FARS2: variants seen among roughly 807,000 people sequenced by gnomAD.
The protein encoded by FARS2 is phenylalanine--tRNA ligase, mitochondrial.
Under a neutral mutation model 46.4 loss-of-function variants are expected in FARS2, and 40 were observed. That is an observed-to-expected ratio of 0.86 (90% CI 0.67 to 1.12). The LOEUF is 1.12. Ranked by LOEUF, FARS2 falls within the 50% of genes most tolerant of loss-of-function variation. The pLI is 0.00. For missense variants in FARS2, 513 were observed against 567.9 expected, an observed-to-expected ratio of 0.90 and a Z score of 0.98; for synonymous variants, 234 against 214.9, an observed-to-expected ratio of 1.09 and a Z score of -0.78.
rs546168217 is a variant in FARS2, at chr6:5,274,251, C to G, written c.-22+12591C>G. Among the ~76,000 whole-genome samples the G allele has an allele frequency of 9.9e-5, 15 of 152,240 alleles. No homozygotes were observed. In the South Asian group the frequency reaches 2.3e-3, roughly 23 times the overall value. On this transcript the variant is annotated intron_variant, in intron 1 of 6. Transcript: ENST00000274680. ...CGTACTTCTTCCCGGCCATTAGAAC[C>G]CTGATTTTGTTTGGGTGGCCATGTG... is the stretch of plus-strand genomic sequence containing the variant.
chr6:5,653,332 T>C (rs559525304), intron 6 of FARS2, among the ~76,000 whole-genome samples: 10 of 152,318 alleles, frequency 6.6e-5, no homozygotes, highest in African/African-American at 2.4e-4. Context: ...TGTAATCTGC[T>C]CAGTAATACA....
At chr6:5,541,336 A>G (rs1394682883) in intron 4 of FARS2, among the ~76,000 whole-genome samples, 2 of 152,202 alleles carry the variant, frequency 1.3e-5, no homozygotes, top group Admixed American at 6.5e-5. Flanking sequence ...TTGTTGAAGT[A>G]GTATTACACA....
intron 6 of FARS2, among the ~76,000 whole-genome samples, chr6:5,740,526 T>C (rs905609200): frequency 8.7e-5 from 13 of 149,898 alleles, no homozygotes; most frequent in Admixed American, 1.3e-4. Context: ...AAAAGCAAAA[T>C]CCATCAGCTT....
intron 4 of FARS2, among the ~76,000 whole-genome samples, chr6:5,436,575 G>A: frequency 6.6e-6 from 1 of 152,208 alleles, no homozygotes; most frequent in East Asian, 1.9e-4. Flanking sequence ...TTAGAACATA[G>A]TCATGCATAT....
chr6:5,328,801 A>C (rs1162111841), intron 1 of FARS2, among the ~76,000 whole-genome samples: 1 of 152,144 alleles, frequency 6.6e-6, no homozygotes, highest in African/African-American at 2.4e-5. Flanking sequence ...CCTAACATGT[A>C]GACTTTTTCT....
At chr6:5,716,627 C>T (rs1484460774) in intron 6 of FARS2, among the ~76,000 whole-genome samples, 1 of 152,224 alleles carries the variant, frequency 6.6e-6, no homozygotes, top group Admixed American at 6.5e-5. Flanking sequence ...CACCAGACTG[C>T]TTCCACTTAA....
At chr6:5,287,097 T>C (rs182586405) in intron 1 of FARS2, among the ~76,000 whole-genome samples, 7 of 152,262 alleles carry the variant, frequency 4.6e-5, no homozygotes, top group Non-Finnish European at 7.3e-5. Flanking sequence ...GTTAGCTCTT[T>C]AGGTAAAGAG....
intron 5 of FARS2, among the ~76,000 whole-genome samples, chr6:5,553,433 A>T (rs1341833978): frequency 6.6e-6 from 1 of 152,144 alleles, no homozygotes; most frequent in Non-Finnish European, 1.5e-5. Flanking sequence ...GGGCGCTGTT[A>T]TTCTTGCAGT....
intron 6 of FARS2, among the ~76,000 whole-genome samples, chr6:5,690,114 T>G (rs1289132628): frequency 6.6e-6 from 1 of 152,240 alleles, no homozygotes; most frequent in Admixed American, 6.5e-5. Context: ...GATGGTTTCC[T>G]GAATACAGCA....
intron 3 of FARS2, among the ~76,000 whole-genome samples, chr6:5,427,461 A>G (rs1273708989): frequency 6.6e-6 from 1 of 152,234 alleles, no homozygotes; most frequent in Non-Finnish European, 1.5e-5. Flanking sequence ...AACAAAGGAA[A>G]TGAATGGTGT....
intron 1 of FARS2, among the ~76,000 whole-genome samples, chr6:5,334,381 A>C (rs1309529957): frequency 6.6e-6 from 1 of 152,200 alleles, no homozygotes; most frequent in Non-Finnish European, 1.5e-5. Context: ...TCAGAAATTT[A>C]TTCTAAAAAT....
intron 6 of FARS2, among the ~76,000 whole-genome samples, chr6:5,675,924 C>A (rs910818513): frequency 6.6e-6 from 1 of 152,184 alleles, no homozygotes; most frequent in African/African-American, 2.4e-5. Context: ...CGGTCATAAT[C>A]ATGGCATATG....
At chr6:5,706,008 C>A (rs1210240634) in intron 6 of FARS2, among the ~76,000 whole-genome samples, 2 of 152,182 alleles carry the variant, frequency 1.3e-5, no homozygotes, top group Non-Finnish European at 2.9e-5. Context: ...CAGTCCCCAA[C>A]GTTTTTGGCA....
chr6:5,731,477 C>G (rs1760620403), intron 6 of FARS2, among the ~76,000 whole-genome samples: 1 of 152,202 alleles, frequency 6.6e-6, no homozygotes, highest in African/African-American at 2.4e-5. Flanking sequence ...TGCACTCACG[C>G]CCTGGGCTCC....
chr6:5,721,254 T>A (rs949916722), intron 6 of FARS2, among the ~76,000 whole-genome samples: 23 of 152,218 alleles, frequency 1.5e-4, no homozygotes, highest in African/African-American at 5.5e-4. Context: ...ACAACTAGCT[T>A]CTTATACCAG....
intron 5 of FARS2, among the ~76,000 whole-genome samples, chr6:5,605,012 TGACA>T (rs1159358525): frequency 2.0e-5 from 3 of 152,240 alleles, no homozygotes; most frequent in Non-Finnish European, 4.4e-5. Flanking sequence ...TCCTCCTCCC[TGACA>T]AAGTTAAGAA....
chr6:5,258,014 TCA>T (rs1404022010), upstream of FARS2, among the ~76,000 whole-genome samples: 1 of 152,034 alleles, frequency 6.6e-6, no homozygotes, highest in Non-Finnish European at 1.5e-5. Flanking sequence ...ACAATTGAGC[TCA>T]ATCTTGAAGG....
rs1299406893 is a variant in FARS2 at position 5,727,424 on chromosome 6, CTGGCCAGAACGTAGGAA to C, written c.1218-43866_1218-43850del. On this transcript the variant is annotated intron_variant, in intron 6 of 6. Transcript: ENST00000274680. The surrounding 1 kb of genome is among the most constrained non-coding windows in gnomAD (Gnocchi z 4.1). ...ACACTTTTCAGAGGCAGGGTGCTGA[CTGGCCAGAACGTAGGAA>C]AGGCCAGGTCAGAGACTTTCTGTTT... Among the ~76,000 whole-genome samples, 1 of 152,226 alleles carries C rather than the reference CTGGCCAGAACGTAGGAA, an allele frequency of 6.6e-6. No homozygotes were observed.
At chr6:5,770,859 T>C (rs1408510089) in intron 6 of FARS2, among the ~76,000 whole-genome samples, 4 of 152,164 alleles carry the variant, frequency 2.6e-5, no homozygotes, top group African/African-American at 9.7e-5. Flanking sequence ...TACTTCAGTT[T>C]GCCTCACAAA....
Sources: allele counts gnomAD v4.1 joint callset (sites outside exome capture counted in the v4.1 genomes callset), GRCh38; gene constraint gnomAD v4.1.1; non-coding constraint Gnocchi (gnomAD v3.1); transcripts MANE v1.5; gene names NCBI Gene and HGNC (gene_info 2026-07-23, HGNC 2026-07-21).